UNC5D: variants seen among roughly 807,000 people sequenced by gnomAD.
The protein encoded by UNC5D is netrin receptor UNC5D.
Under a neutral mutation model 105.4 loss-of-function variants are expected in UNC5D, and 39 were observed. That is an observed-to-expected ratio of 0.37 (90% CI 0.29 to 0.48). The LOEUF (loss-of-function observed/expected upper bound fraction) is 0.48. Ranked by LOEUF, UNC5D falls within the 20% of genes least tolerant of loss-of-function variation. The pLI is 0.98. For synonymous variants in UNC5D, 452 were observed against 450.4 expected, an observed-to-expected ratio of 1.00 and a Z score of -0.04; for missense variants, 991 against 1,202.4, an observed-to-expected ratio of 0.82 and a Z score of 2.60.
chr8:35,687,974 C>T (rs184662216), intron 7 of UNC5D, among the ~76,000 whole-genome samples: 3 of 151,328 alleles, frequency 2.0e-5, no homozygotes, highest in African/African-American at 7.3e-5. Flanking sequence ...ACTAAAAATA[C>T]AAAAAAAATT....
At chr8:35,394,030 T>G (rs1803948135) in intron 1 of UNC5D, among the ~76,000 whole-genome samples, 1 of 152,170 alleles carries the variant, frequency 6.6e-6, no homozygotes, top group African/African-American at 2.4e-5. Context: ...TCGTTTTGGT[T>G]TATCTTTTTC....
intron 3 of UNC5D, among the ~76,000 whole-genome samples, chr8:35,575,272 T>C (rs1389210132): frequency 6.6e-6 from 1 of 152,182 alleles, no homozygotes. Context: ...TCATGTATAT[T>C]ACCTTTGTTT....
intron 1 of UNC5D, among the ~76,000 whole-genome samples, chr8:35,238,124 A>G (rs1210465402): frequency 6.6e-6 from 1 of 152,222 alleles, no homozygotes; most frequent in African/African-American, 2.4e-5. Context: ...TGCCCTAACC[A>G]ACGGGGTATA....
intron 2 of UNC5D, among the ~76,000 whole-genome samples, chr8:35,565,491 T>C (rs1358189497): frequency 6.6e-6 from 1 of 152,206 alleles, no homozygotes; most frequent in Non-Finnish European, 1.5e-5. Context: ...TATTTCTTTG[T>C]GAGATGTATA....
intron 1 of UNC5D, among the ~76,000 whole-genome samples, chr8:35,314,812 G>T (rs1233235061): frequency 1.3e-5 from 2 of 152,258 alleles, no homozygotes; most frequent in South Asian, 2.1e-4. Flanking sequence ...AAATGGTGTA[G>T]GTGGCAAATC....
chr8:35,684,411 T>A (rs1221217684), intron 5 of UNC5D, among the ~76,000 whole-genome samples, 171 bp from the exon 6 acceptor site: 3 of 152,206 alleles, frequency 2.0e-5, no homozygotes, highest in Non-Finnish European at 4.4e-5. Flanking sequence ...GAGGACTGGA[T>A]GAGATGACTC....
intron 2 of UNC5D, among the ~76,000 whole-genome samples, chr8:35,555,914 C>G (rs1399659406): frequency 7.8e-6 from 1 of 127,838 alleles, no homozygotes; most frequent in Non-Finnish European, 1.6e-5. Context: ...CACACACACA[C>G]ACACACACAC....
chr8:35,424,269 C>T (rs1433632695), intron 1 of UNC5D, among the ~76,000 whole-genome samples: 1 of 152,064 alleles, frequency 6.6e-6, no homozygotes, highest in African/African-American at 2.4e-5. Flanking sequence ...TTAGTTATCA[C>T]ATTAATAAAA....
intron 4 of UNC5D, among the ~76,000 whole-genome samples, chr8:35,611,738 A>G (rs1241460291): frequency 3.3e-5 from 5 of 152,234 alleles, no homozygotes; most frequent in African/African-American, 1.2e-4. Flanking sequence ...AAAGATAGCA[A>G]CTTTAATGTT....
At position 35,241,975 on chromosome 8, in the gene UNC5D, T is replaced by C. The variant is rs558547621; in HGVS notation, c.103+6088T>C. ...TACCCATTTATCAACTTCTTTTCTTTTGATAGTTTATTTTATAAATGAGGA... is the reference window on the plus strand; with the variant it reads ...TACCCATTTATCAACTTCTTTTCTTCTGATAGTTTATTTTATAAATGAGGA... On this transcript the variant is annotated intron_variant, in intron 1 of 16. Transcript: ENST00000404895. Among the ~76,000 whole-genome samples, 3 of 152,314 alleles carry C rather than the reference T, an allele frequency of 2.0e-5. No homozygotes were observed. In the South Asian group the frequency reaches 6.2e-4, roughly 32 times the overall value.
At chr8:35,352,341 A>AT (rs1812296999) in intron 1 of UNC5D, among the ~76,000 whole-genome samples, 2 of 151,974 alleles carry the variant, frequency 1.3e-5, no homozygotes, top group African/African-American at 4.8e-5. Context: ...AAATCCAATG[A>AT]TTTTTTTGTT....
At chr8:35,290,416 G>T (rs1806956125) in intron 1 of UNC5D, among the ~76,000 whole-genome samples, 1 of 150,430 alleles carries the variant, frequency 6.6e-6, no homozygotes, top group Non-Finnish European at 1.5e-5. Flanking sequence ...AATACTGTAT[G>T]ATTGTACTTT....
chr8:35,470,035 A>G (rs1388817902), intron 1 of UNC5D, among the ~76,000 whole-genome samples: 1 of 152,222 alleles, frequency 6.6e-6, no homozygotes, highest in African/African-American at 2.4e-5. Flanking sequence ...ACTGGTCTCA[A>G]TACATACTTT....
Position 35,576,599 on chromosome 8 carries a change from GTTGT to G in UNC5D, c.466+8385_466+8388del, listed in dbSNP as rs59553994. Reference sequence around the variant, plus strand: ...AGTAGGTGAGATATGGACTAACAGAGTTGTTTGTTTGTTTGTTTGTTTGTTTGTT... The same window carrying G: ...AGTAGGTGAGATATGGACTAACAGAGTTGTTTGTTTGTTTGTTTGTTTGTT... On this transcript the variant is annotated intron_variant, in intron 3 of 16. Coordinates refer to ENST00000404895, the MANE Select transcript of UNC5D (RefSeq NM_080872.4). Among the ~76,000 whole-genome samples, 125 of 151,984 alleles carry G rather than the reference GTTGT, an allele frequency of 8.2e-4. No individual in the cohort carries two copies. In the Middle Eastern group the frequency reaches 0.017, roughly 21 times the overall value.
chr8:35,438,159 A>G (rs1006356300), intron 1 of UNC5D, among the ~76,000 whole-genome samples: 4 of 152,050 alleles, frequency 2.6e-5, no homozygotes, highest in African/African-American at 9.7e-5. Flanking sequence ...AGAAAGCCTC[A>G]CAGAAGGCAA....
intron 1 of UNC5D, among the ~76,000 whole-genome samples, chr8:35,336,007 C>T (rs1036773987): frequency 1.4e-4 from 21 of 151,898 alleles, no homozygotes; most frequent in African/African-American, 5.1e-4. Flanking sequence ...TCGTGATCCG[C>T]CTGCATTAGC....
chr8:35,494,765 T>G (rs1043057661), intron 1 of UNC5D, among the ~76,000 whole-genome samples: 2 of 152,254 alleles, frequency 1.3e-5, no homozygotes, highest in African/African-American at 2.4e-5. Context: ...ATATTCGTTA[T>G]ATTTTTTGTG....
chr8:35,596,847 G>A (rs1819519832), intron 4 of UNC5D, among the ~76,000 whole-genome samples: 2 of 152,140 alleles, frequency 1.3e-5, no homozygotes, highest in South Asian at 2.1e-4. Flanking sequence ...GAATTGAATG[G>A]GAGGCAGGTT....
At chr8:35,786,496 C>T (rs1346084032) in intron 16 of UNC5D, among the ~76,000 whole-genome samples, 4 of 152,056 alleles carry the variant, frequency 2.6e-5, no homozygotes, top group African/African-American at 9.7e-5. Context: ...TTTCTTGAGG[C>T]AGGTGTACTC....
Sources: gnomAD v4.1 joint callset for allele counts (sites outside exome capture counted in the v4.1 genomes callset) on GRCh38, gnomAD v4.1.1 for gene constraint, MANE v1.5 for transcripts, NCBI Gene and HGNC (gene_info 2026-07-23, HGNC 2026-07-21) for gene names.